Variants in CAMTA1 observed in about 807,000 individuals in gnomAD.
CAMTA1 encodes the protein calmodulin binding transcription activator 1.
A neutral mutation model predicts 170.9 loss-of-function variants in CAMTA1; 27 were observed. The observed-to-expected ratio is 0.16, with a 90% confidence interval of 0.12 to 0.22. The LOEUF (loss-of-function observed/expected upper bound fraction) is 0.22. Ranked by LOEUF, CAMTA1 falls within the 10% of genes least tolerant of loss-of-function variation. CAMTA1 has a pLI of 1.00. For missense variants in CAMTA1, 1,619 were observed against 2,217.2 expected, an observed-to-expected ratio of 0.73 and a Z score of 5.42; for synonymous variants, 833 against 891.5, an observed-to-expected ratio of 0.93 and a Z score of 1.17.
intron 4 of CAMTA1, among the ~76,000 whole-genome samples, chr1:7,131,820 C>T (rs1645274335): frequency 6.6e-6 from 1 of 152,104 alleles, no homozygotes; most frequent in Admixed American, 6.5e-5. Context: ...CTTAGGGAGG[C>T]CGAGGCGGGT....
intron 3 of CAMTA1, among the ~76,000 whole-genome samples, chr1:6,837,023 C>T (rs11120778): frequency 6.6e-6 from 1 of 151,472 alleles, no homozygotes; most frequent in Non-Finnish European, 1.5e-5. Flanking sequence ...CTGCAATCTC[C>T]GCTCACTGCA....
intron 3 of CAMTA1, among the ~76,000 whole-genome samples, chr1:6,999,327 G>A (rs1697826056): frequency 6.6e-6 from 1 of 152,196 alleles, no homozygotes; most frequent in Admixed American, 6.5e-5. Flanking sequence ...CTCATGGTTT[G>A]GCAGGCTGTA....
intron 21 of CAMTA1, among the ~76,000 whole-genome samples, chr1:7,753,635 T>C (rs562823441): frequency 6.6e-6 from 1 of 152,230 alleles, no homozygotes; most frequent in Non-Finnish European, 1.5e-5. Context: ...TACTTTTACT[T>C]AAATTAACAG....
intron 7 of CAMTA1, among the ~76,000 whole-genome samples, chr1:7,660,784 G>A (rs1041424789): frequency 1.1e-4 from 17 of 152,202 alleles, no homozygotes; most frequent in South Asian, 2.1e-4. Context: ...CCCTGTGCCC[G>A]GCTCCTCCGC....
chr1:7,506,562 T>G (rs1043550924), intron 6 of CAMTA1, among the ~76,000 whole-genome samples: 1 of 151,708 alleles, frequency 6.6e-6, no homozygotes, highest in Non-Finnish European at 1.5e-5. Context: ...GCTCACAAGC[T>G]CACTCAAAAT....
chr1:7,474,919 C>T lies in CAMTA1; in HGVS notation c.510+7018C>T, dbSNP rs566136273. On this transcript the variant is annotated intron_variant, in intron 6 of 22. Transcript: ENST00000303635. ...CAGCCCTCAGGAAGGACTGCCCTGG[C>T]GGTGAGCTGTGAGCTCGGTCATGGA... is the stretch of plus-strand genomic sequence containing the variant. Among the ~76,000 whole-genome samples, 30 of 152,318 alleles carry T rather than the reference C, an allele frequency of 2.0e-4. No homozygotes were observed. In the South Asian group the frequency reaches 2.1e-3, roughly 11 times the overall value.
chr1:7,757,238 T>TA (rs1205093849), intron 22 of CAMTA1, among the ~76,000 whole-genome samples: 2 of 152,180 alleles, frequency 1.3e-5, no homozygotes, highest in Non-Finnish European at 2.9e-5. Context: ...GTAAATACCT[T>TA]AAGCTTTGTG....
At chr1:7,503,360 G>C (rs2094042146) in intron 6 of CAMTA1, among the ~76,000 whole-genome samples, 1 of 152,196 alleles carries the variant, frequency 6.6e-6, no homozygotes, top group Non-Finnish European at 1.5e-5. Flanking sequence ...TTACGAAGGG[G>C]CTTTCGGGTC....
chr1:7,462,080 C>A (rs987178448), intron 5 of CAMTA1, among the ~76,000 whole-genome samples: 1 of 152,222 alleles, frequency 6.6e-6, no homozygotes, highest in Non-Finnish European at 1.5e-5. Flanking sequence ...CCTGACAGGT[C>A]ACAGGTCAGC....
At chr1:7,529,217 G>A (rs2094463556) in intron 6 of CAMTA1, among the ~76,000 whole-genome samples, 1 of 152,204 alleles carries the variant, frequency 6.6e-6, no homozygotes, top group Non-Finnish European at 1.5e-5. Context: ...ACCTCATGGC[G>A]GGGAGGAGTG....
Position 7,461,159 on chromosome 1 carries a change from CCAT to C in CAMTA1, c.439-6668_439-6666del, listed in dbSNP as rs1230460001. Among the ~76,000 whole-genome samples, 5 of 152,292 alleles carry C rather than the reference CCAT, an allele frequency of 3.3e-5. No individual in the cohort carries two copies. The East Asian group carries it at 9.6e-4, about 29-fold the overall frequency. ...GAGGGGAGCTCAGGAATGAGCTTTG[CCAT>C]CACAGGCACAGAAGGCTCTGGGGAA... On this transcript the variant is annotated intron_variant, in intron 5 of 22. Coordinates refer to ENST00000303635, the MANE Select transcript of CAMTA1 (RefSeq NM_015215.4).
chr1:6,796,910 T>A (rs74354726), intron 1 of CAMTA1, among the ~76,000 whole-genome samples: 2,297 of 152,328 alleles, frequency 0.015, 51 homozygotes, highest in African/African-American at 0.052. Context: ...TTCTCTACTT[T>A]CGTGGGGGAT....
chr1:6,868,455 CTT>C (rs998753625), intron 3 of CAMTA1, among the ~76,000 whole-genome samples: 3 of 151,994 alleles, frequency 2.0e-5, no homozygotes, highest in Non-Finnish European at 4.4e-5. Context: ...TTTCTTGGCT[CTT>C]TGTTTTTCAT....
chr1:7,644,731 C>T (rs542617783), intron 7 of CAMTA1, among the ~76,000 whole-genome samples: 6 of 152,314 alleles, frequency 3.9e-5, no homozygotes, highest in African/African-American at 1.4e-4. Context: ...TGTCGTTGGA[C>T]AGAATTTTGT....
chr1:7,200,312 C>A (rs1300255263), intron 4 of CAMTA1, among the ~76,000 whole-genome samples: 1 of 152,184 alleles, frequency 6.6e-6, no homozygotes, highest in Non-Finnish European at 1.5e-5. Context: ...TTGTACATAA[C>A]CACGTCTTAT....
chr1:7,162,129 C>T (rs1320120998), intron 4 of CAMTA1, among the ~76,000 whole-genome samples: 1 of 152,102 alleles, frequency 6.6e-6, no homozygotes, highest in Non-Finnish European at 1.5e-5. Flanking sequence ...AGAAAGAAGG[C>T]CAGGGCTTCT....
At chr1:7,217,919 G>A (rs906535746) in intron 4 of CAMTA1, among the ~76,000 whole-genome samples, 1 of 152,080 alleles carries the variant, frequency 6.6e-6, no homozygotes, top group African/African-American at 2.4e-5. Flanking sequence ...TATATTAAAT[G>A]TTCCCCATAA....
chr1:7,375,095 C>G (rs1183967838), intron 5 of CAMTA1, among the ~76,000 whole-genome samples: 1 of 152,176 alleles, frequency 6.6e-6, no homozygotes, highest in African/African-American at 2.4e-5. Context: ...CGTTTCTTCC[C>G]TGCATCCCCT....
At chr1:7,322,335 C>T (rs1457757713) in intron 5 of CAMTA1, among the ~76,000 whole-genome samples, 2 of 152,138 alleles carry the variant, frequency 1.3e-5, no homozygotes, top group Admixed American at 6.5e-5. Context: ...TTCTGTAAAG[C>T]GGAGGTCAGT....
Sources: allele counts gnomAD v4.1 joint callset (sites outside exome capture counted in the v4.1 genomes callset), GRCh38; gene constraint gnomAD v4.1.1; transcripts MANE v1.5; gene names NCBI Gene and HGNC (gene_info 2026-07-23, HGNC 2026-07-21).